The following ALDH1L2 variants were observed in gnomAD, a reference collection of about 807,000 sequenced individuals.
ALDH1L2 encodes aldehyde dehydrogenase 1 family member L2, also known as mitochondrial 10-formyltetrahydrofolate dehydrogenase.
ALDH1L2 carries 91 observed loss-of-function variants against 111.0 expected under a neutral mutation model. That is an observed-to-expected ratio of 0.82 (90% CI 0.69 to 0.98). The LOEUF is 0.98. ALDH1L2 is among the 50% of genes least tolerant of loss of function. The pLI is 0.00. For synonymous variants in ALDH1L2, 374 were observed against 392.6 expected (o/e 0.95, Z 0.56); for missense variants, 995 against 1,126.8 (o/e 0.88, Z 1.67).
At chr12:105,070,059 A>G (rs1877586565) in intron 3 of ALDH1L2, among the ~76,000 whole-genome samples, 1 of 152,248 alleles carries the variant, frequency 6.6e-6, no homozygotes, top group Admixed American at 6.5e-5. Flanking sequence ...GTTTGGGAAC[A>G]TTGTGTATTC....
chr12:105,068,684 G>A, intron 4 of ALDH1L2, 35 bp downstream of exon 4: 1 of 1,394,972 alleles, frequency 7.2e-7, no homozygotes, highest in East Asian at 2.7e-5. Flanking sequence ...AAACTTTAAA[G>A]GTTTACTAAA....
intron 19 of ALDH1L2, among the ~76,000 whole-genome samples, chr12:105,033,361 C>T (rs1290164002): frequency 1.3e-5 from 2 of 152,184 alleles, no homozygotes; most frequent in Non-Finnish European, 2.9e-5. Context: ...ATTGTGAAAG[C>T]CCATGATATA....
In ALDH1L2 at chr12:105,038,229, C is replaced by G. The variant is rs372473512; in HGVS notation, c.2046-27G>C. ...TAGAGGAAAACAAATGAGAAATGAG[C>G]ATTTAGTTAACATCTCTCTCTCTCT... On this transcript the variant is annotated intron_variant, in intron 17 of 22. Coordinates refer to ENST00000258494, the MANE Select transcript of ALDH1L2 (RefSeq NM_001034173.4). The G allele has an allele frequency of 6.5e-6, 9 of 1,374,126 alleles. No individual in the cohort carries two copies. The African/African-American group carries it at 1.3e-4, about 20-fold the overall frequency. The allele number at this position is 1,374,126 out of a possible 1,614,324, so 85.1% of individuals were successfully genotyped here.
intron 6 of ALDH1L2, among the ~76,000 whole-genome samples, chr12:105,063,267 G>A (rs553221244): frequency 3.3e-4 from 51 of 152,278 alleles, no homozygotes; most frequent in African/African-American, 1.2e-3. Flanking sequence ...ACGAGGTCAG[G>A]AGATCGAGAC....
chr12:105,053,964 A>T (rs114098036), intron 10 of ALDH1L2, among the ~76,000 whole-genome samples: 1,646 of 152,088 alleles, frequency 0.011, 30 homozygotes, highest in African/African-American at 0.038. Context: ...ATAATTACCC[A>T]ATCTATAGGG....
intron 1 of ALDH1L2, among the ~76,000 whole-genome samples, chr12:105,074,660 C>A (rs992483147): frequency 6.6e-6 from 1 of 151,972 alleles, no homozygotes; most frequent in Non-Finnish European, 1.5e-5. Context: ...AAATGGGATT[C>A]GCTAATGTTC....
At chr12:105,029,241 T>C (rs529837769) in intron 21 of ALDH1L2, among the ~76,000 whole-genome samples, 4 of 152,296 alleles carry the variant, frequency 2.6e-5, no homozygotes, top group African/African-American at 7.2e-5. Context: ...TTGCCCAGGC[T>C]GATCTCAAAC....
intron 3 of ALDH1L2, among the ~76,000 whole-genome samples, chr12:105,069,352 C>T (rs1262179251): frequency 1.3e-5 from 2 of 152,136 alleles, no homozygotes; most frequent in African/African-American, 2.4e-5. Flanking sequence ...TTAATTCAAG[C>T]TAATACAGAG....
chr12:105,040,380 T>C (rs147440552), intron 16 of ALDH1L2, among the ~76,000 whole-genome samples: 3 of 152,132 alleles, frequency 2.0e-5, no homozygotes, highest in Admixed American at 6.5e-5. Flanking sequence ...CTTAGGGTAA[T>C]TTTACATGAC....
In ALDH1L2 at chr12:105,023,668, G is replaced by C. The variant is rs982085382; in HGVS notation, c.*756C>G. On this transcript the variant is annotated 3_prime_UTR_variant, in exon 23 of 23. Transcript: ENST00000258494. ...AGGGAAGCAGAGGCTCAGAGGAGTT[G>C]CGAGAGTTTCCCAAAGTTACATAGA... The C allele has an allele frequency of 6.6e-6, 1 of 152,188 alleles. No homozygotes were observed. Among genetic ancestry groups the C allele is most frequent in the Non-Finnish European group, 1.5e-5 (1 of 68,036 alleles). 9.4% of individuals were successfully genotyped at this position (152,188 alleles called of 1,614,324 possible). A position where few individuals can be genotyped will look rare whatever the true frequency, so the allele number is the denominator to read the frequency against.
chr12:105,058,834 G>A (rs1014196051), intron 9 of ALDH1L2, among the ~76,000 whole-genome samples: 1 of 152,034 alleles, frequency 6.6e-6, no homozygotes, highest in African/African-American at 2.4e-5. Context: ...CATGGTTGTG[G>A]TTCAATCATT....
At chr12:105,075,764 A>T (rs1275536817) in intron 1 of ALDH1L2, among the ~76,000 whole-genome samples, 1 of 152,138 alleles carries the variant, frequency 6.6e-6, no homozygotes, top group Non-Finnish European at 1.5e-5. Context: ...GATTCCAGAA[A>T]ATTGGACTGA....
At position 105,052,803 on chromosome 12, in the gene ALDH1L2, A is replaced by G; in HGVS notation, c.1407+9T>C. 6.2e-7 allele frequency: 1 copy of G among 1,614,040 alleles called. No homozygotes were observed. Among genetic ancestry groups the G allele is most frequent in the South Asian group, 1.1e-5 (1 of 91,072 alleles). Reference sequence around the variant, plus strand: ...CAGTGATCACTACTCACACTAAAGAATTACTCACAGATCCATCTGTTGGGT... The same window carrying G: ...CAGTGATCACTACTCACACTAAAGAGTTACTCACAGATCCATCTGTTGGGT... On this transcript the variant is annotated intron_variant, in intron 11 of 22. Transcript: ENST00000258494.
chr12:105,039,857 G>T, intron 16 of ALDH1L2, 51 bp from the exon 17 acceptor site: 1 of 1,557,054 alleles, frequency 6.4e-7, no homozygotes, highest in Non-Finnish European at 8.8e-7. Flanking sequence ...AAGGCCGGGC[G>T]CGGTGGCTTA....
At chr12:105,045,022 A>G (rs1159229761) in intron 15 of ALDH1L2, among the ~76,000 whole-genome samples, 3 of 152,200 alleles carry the variant, frequency 2.0e-5, no homozygotes, top group Non-Finnish European at 4.4e-5. Context: ...TTAATTAACT[A>G]TAGGTACAAT....
chr12:105,051,977 G>A (rs1197675203), intron 12 of ALDH1L2, 113 bp downstream of exon 12: 1 of 980,200 alleles, frequency 1.0e-6, no homozygotes, highest in African/African-American at 1.7e-5. Flanking sequence ...GGAGGCTGAG[G>A]CAGGTGAATC....
intron 1 of ALDH1L2, among the ~76,000 whole-genome samples, chr12:105,080,268 G>A (rs550262784): frequency 7.2e-5 from 11 of 152,032 alleles, no homozygotes; most frequent in Non-Finnish European, 1.5e-4. Context: ...ACACAATATC[G>A]TCAAATTTAT....
intron 15 of ALDH1L2, among the ~76,000 whole-genome samples, chr12:105,043,451 T>C (rs1299630869): frequency 6.6e-6 from 1 of 152,212 alleles, no homozygotes; most frequent in Non-Finnish European, 1.5e-5. Flanking sequence ...AAATCGTCAA[T>C]GTAGACTTAA....
rs1395184101 is a variant in ALDH1L2, at chr12:105,022,968, T to G, written c.*1456A>C. ...AGAATTTAACTTTCTGGCTATCTTT[T>G]GGAGACTCATGTGATTCAGAAATTT... On this transcript the variant is annotated 3_prime_UTR_variant, in exon 23 of 23. Transcript: ENST00000258494. 6.6e-6 allele frequency: 1 copy of G among 152,214 alleles called. No homozygotes were observed. Among genetic ancestry groups the G allele is most frequent in the Admixed American group, 6.5e-5 (1 of 15,280 alleles). The allele number at this position is 152,214 out of a possible 1,614,324, so 9.4% of individuals were successfully genotyped here.
Sources: gnomAD v4.1 joint callset for allele counts (sites outside exome capture counted in the v4.1 genomes callset) on GRCh38, gnomAD v4.1.1 for gene constraint, MANE v1.5 for transcripts, NCBI Gene and HGNC (gene_info 2026-07-23, HGNC 2026-07-21) for gene names.